Variants in QKI observed in about 807,000 individuals in gnomAD.
QKI encodes QKI, KH domain containing RNA binding.
QKI carries 10 observed loss-of-function variants against 39.0 expected under a neutral mutation model. The observed-to-expected ratio is 0.26, with a 90% CI of 0.16 to 0.43. The LOEUF (loss-of-function observed/expected upper bound fraction) is 0.43, where lower values mean the gene tolerates loss of function less well. Ranked by LOEUF, QKI falls within the 20% of genes least tolerant of loss-of-function variation. QKI has a pLI of 1.00. For missense variants in QKI, 218 were observed against 428.0 expected, an observed-to-expected ratio of 0.51 and a Z score of 4.33; for synonymous variants, 204 against 155.4, an observed-to-expected ratio of 1.31 and a Z score of -2.33.
At chr6:163,567,088 T>G in intron 7 of QKI, 1 of 1,057,570 alleles carries the variant, frequency 9.5e-7, no homozygotes, top group Non-Finnish European at 1.1e-6. Context: ...TGATGTTGCC[T>G]CAGTTATTTT....
At chr6:163,564,120 T>G in intron 6 of QKI, 1 of 1,037,220 alleles carries the variant, frequency 9.6e-7, no homozygotes, top group East Asian at 8.2e-5. Context: ...GGAAAATTTT[T>G]AAACTTCTAA....
intron 3 of QKI, among the ~76,000 whole-genome samples, chr6:163,504,452 A>G (rs111991645): frequency 1.3e-5 from 2 of 152,240 alleles, no homozygotes; most frequent in African/African-American, 2.4e-5. Context: ...TTTGGGCAGT[A>G]TTGTCATTTT....
At chr6:163,496,650 T>G (rs1391379268) in intron 3 of QKI, among the ~76,000 whole-genome samples, 1 of 152,206 alleles carries the variant, frequency 6.6e-6, no homozygotes, top group Non-Finnish European at 1.5e-5. Flanking sequence ...GCCTTGTAGC[T>G]TGCTCCTCCC....
chr6:163,456,386 A>G (rs2128219492), intron 2 of QKI, among the ~76,000 whole-genome samples: 1 of 152,304 alleles, frequency 6.6e-6, no homozygotes, highest in African/African-American at 2.4e-5. Context: ...ATCCCTCATA[A>G]TATTGGCACA....
At chr6:163,481,230 G>A (rs1293875874) in intron 3 of QKI, among the ~76,000 whole-genome samples, 1 of 150,596 alleles carries the variant, frequency 6.6e-6, no homozygotes. Flanking sequence ...TGTATATATA[G>A]ACATGTGTGT....
intron 3 of QKI, 161 bp from the exon 4 acceptor site, chr6:163,534,817 TTCAA>T (rs1446334743): frequency 3.8e-6 from 2 of 530,512 alleles, no homozygotes; most frequent in African/African-American, 2.0e-5. Flanking sequence ...TAGTCTCACA[TTCAA>T]TCAAACTTTG....
intron 2 of QKI, among the ~76,000 whole-genome samples, chr6:163,472,487 A>G (rs760363320): frequency 1.3e-5 from 2 of 152,176 alleles, no homozygotes; most frequent in East Asian, 1.9e-4. Context: ...GTTCAGACCT[A>G]TTGTTTAAGG....
intron 3 of QKI, among the ~76,000 whole-genome samples, chr6:163,501,023 A>G (rs1176318468): frequency 6.6e-6 from 1 of 152,154 alleles, no homozygotes; most frequent in Non-Finnish European, 1.5e-5. Context: ...TCTCAGTCAA[A>G]TGGTTGGAAT....
At chr6:163,484,996 G>T (rs745855279) in intron 3 of QKI, among the ~76,000 whole-genome samples, 1 of 152,198 alleles carries the variant, frequency 6.6e-6, no homozygotes, top group Non-Finnish European at 1.5e-5. Context: ...AGGTATGCCT[G>T]TATTACTTGG....
At chr6:163,507,118 G>T (rs1779150559) in intron 3 of QKI, among the ~76,000 whole-genome samples, 2 of 152,208 alleles carry the variant, frequency 1.3e-5, no homozygotes, top group South Asian at 4.1e-4. Flanking sequence ...TGTATCACCT[G>T]TGAATACAGC....
chr6:163,557,290 C>G (rs927965269), intron 4 of QKI, among the ~76,000 whole-genome samples: 1 of 152,068 alleles, frequency 6.6e-6, no homozygotes, highest in African/African-American at 2.4e-5. Flanking sequence ...GCTTGAGGTA[C>G]AAGGAGACTT....
intron 4 of QKI, among the ~76,000 whole-genome samples, chr6:163,556,436 G>C (rs1290191437): frequency 7.1e-6 from 1 of 141,302 alleles, no homozygotes; most frequent in Non-Finnish European, 1.5e-5. Flanking sequence ...CCCAGGAGGC[G>C]AAGTTGCAGT....
intron 2 of QKI, among the ~76,000 whole-genome samples, chr6:163,477,575 A>G (rs1460594045): frequency 6.6e-6 from 1 of 152,214 alleles, no homozygotes; most frequent in Non-Finnish European, 1.5e-5. Flanking sequence ...CTTTATCTGA[A>G]TATAAAGAGC....
At chr6:163,481,157 G>C (rs1420248637) in intron 3 of QKI, among the ~76,000 whole-genome samples, 1 of 152,192 alleles carries the variant, frequency 6.6e-6, no homozygotes, top group African/African-American at 2.4e-5. Flanking sequence ...AGCTCATTGA[G>C]ATGTATTTCA....
chr6:163,521,799 G>A (rs1780178651), intron 3 of QKI, among the ~76,000 whole-genome samples: 3 of 152,312 alleles, frequency 2.0e-5, no homozygotes, highest in Admixed American at 6.5e-5. Flanking sequence ...GGGATTACAG[G>A]TGTGAGCCAC....
intron 2 of QKI, among the ~76,000 whole-genome samples, chr6:163,473,319 ATTCTCACCACTACG>A (rs1345109948): frequency 6.6e-6 from 1 of 152,146 alleles, no homozygotes; most frequent in Non-Finnish European, 1.5e-5. Context: ...GAGGCATATC[ATTCTCACCACTACG>A]TTGTATTGGC....
At chr6:163,437,201 A>C (rs1305783832) in intron 1 of QKI, among the ~76,000 whole-genome samples, 1 of 152,210 alleles carries the variant, frequency 6.6e-6, no homozygotes, top group African/African-American at 2.4e-5. Flanking sequence ...CTTTCAGATG[A>C]AAATTAAAAT....
At chr6:163,420,825 A>C (rs1787940250) in intron 1 of QKI, among the ~76,000 whole-genome samples, 1 of 152,198 alleles carries the variant, frequency 6.6e-6, no homozygotes, top group Non-Finnish European at 1.5e-5. Flanking sequence ...TTGTTATCTT[A>C]GTGGGACTGT....
At chr6:163,553,730 T>C (rs567688544) in intron 4 of QKI, among the ~76,000 whole-genome samples, 6 of 152,330 alleles carry the variant, frequency 3.9e-5, no homozygotes, top group African/African-American at 1.2e-4. Context: ...CTTTTGTTTT[T>C]CTGAGATTGT....
Sources: gnomAD v4.1 joint callset for allele counts (sites outside exome capture counted in the v4.1 genomes callset) on GRCh38, gnomAD v4.1.1 for gene constraint, MANE v1.5 for transcripts, NCBI Gene and HGNC (gene_info 2026-07-23, HGNC 2026-07-21) for gene names.